Variants in DSCAM observed in about 807,000 individuals in gnomAD.
DSCAM encodes DS cell adhesion molecule, also known as cell adhesion molecule DSCAM.
Under a neutral mutation model 217.7 loss-of-function variants are expected in DSCAM, and 47 were observed. The ratio of observed to expected loss-of-function variants is 0.22; its 90% confidence interval spans 0.17 to 0.28. DSCAM has a LOEUF of 0.28. Among genes scored for constraint, DSCAM ranks in the 10% least tolerant of loss-of-function variants. DSCAM has a pLI of 1.00. For synonymous variants in DSCAM, 1,056 were observed against 1,015.3 expected (o/e 1.04, Z -0.76); for missense variants, 2,080 against 2,618.3 (o/e 0.79, Z 4.49).
At chr21:40,347,587 C>A in intron 6 of DSCAM, 83 bp downstream of exon 6, 4 of 1,574,192 alleles carry the variant, frequency 2.5e-6, no homozygotes, top group Non-Finnish European at 3.5e-6. Flanking sequence ...GCGATCAGCA[C>A]TGCTTCACCC....
intron 3 of DSCAM, among the ~76,000 whole-genome samples, chr21:40,498,842 G>A (rs1172950202): frequency 1.5e-5 from 2 of 135,492 alleles, no homozygotes; most frequent in African/African-American, 5.3e-5. Context: ...AGATATATGA[G>A]AGAAAAAATA....
chr21:40,157,620 T>C (rs769013540), intron 16 of DSCAM, among the ~76,000 whole-genome samples: 1 of 152,226 alleles, frequency 6.6e-6, no homozygotes, highest in Non-Finnish European at 1.5e-5. Flanking sequence ...CTGCCCTCTA[T>C]AGCTCAGTAG....
chr21:40,047,470 T>A (rs1002932708), intron 30 of DSCAM, among the ~76,000 whole-genome samples: 6 of 152,212 alleles, frequency 3.9e-5, no homozygotes, highest in Non-Finnish European at 8.8e-5. Flanking sequence ...GGGCACAGGA[T>A]ATAAATAGCT....
chr21:40,460,938 G>C (rs1408792146), intron 3 of DSCAM, among the ~76,000 whole-genome samples: 1 of 152,140 alleles, frequency 6.6e-6, no homozygotes, highest in African/African-American at 2.4e-5. Context: ...TGATTCAGAA[G>C]ACTCACTTCT....
intron 32 of DSCAM, among the ~76,000 whole-genome samples, chr21:40,025,713 T>C (rs1450421966): frequency 6.6e-6 from 1 of 151,132 alleles, no homozygotes; most frequent in Non-Finnish European, 1.5e-5. Flanking sequence ...GGATTGGTGG[T>C]GATGTCCCCT....
chr21:40,025,428 A>G (rs1297633444), intron 32 of DSCAM, among the ~76,000 whole-genome samples: 1 of 145,120 alleles, frequency 6.9e-6, no homozygotes, highest in Non-Finnish European at 1.5e-5. Context: ...ATTGATTGGA[A>G]TAGTTTCAGA....
chr21:40,288,468 G>T (rs949182335), intron 10 of DSCAM, among the ~76,000 whole-genome samples: 18 of 152,116 alleles, frequency 1.2e-4, no homozygotes, highest in African/African-American at 3.6e-4. Flanking sequence ...TGCAGAAAAA[G>T]CAAGGACATT....
At chr21:40,506,953 T>G (rs1399741867) in intron 3 of DSCAM, among the ~76,000 whole-genome samples, 1 of 152,164 alleles carries the variant, frequency 6.6e-6, no homozygotes, top group Non-Finnish European at 1.5e-5. Flanking sequence ...AGTTACACTT[T>G]GATTGGAAAA....
chr21:40,468,352 A>G (rs534460317), intron 3 of DSCAM, among the ~76,000 whole-genome samples: 22 of 152,284 alleles, frequency 1.4e-4, no homozygotes, highest in African/African-American at 4.3e-4. Flanking sequence ...GTAATAAGAA[A>G]CTAGTTAATT....
rs971265724 is a variant in DSCAM, at chr21:40,606,561, C to T, written c.508+86249G>A. ...GGTTGAATTTGGCCTCCAACCCAGG[C>T]CAGCCCCAAGTTTTACCAAACGGGT... On this transcript the variant is annotated intron_variant, in intron 3 of 32. Coordinates refer to ENST00000400454, the MANE Select transcript of DSCAM (RefSeq NM_001389.5). 2.0e-5 allele frequency among the ~76,000 whole-genome samples: 3 copies of T among 152,310 alleles called. No individual in the cohort carries two copies. The South Asian group carries it at 6.2e-4, about 32-fold the overall frequency.
intron 1 of DSCAM, among the ~76,000 whole-genome samples, chr21:40,722,108 C>A (rs1006228931): frequency 6.6e-6 from 1 of 151,984 alleles, no homozygotes; most frequent in African/African-American, 2.4e-5. Flanking sequence ...GACAAAATAA[C>A]TTTCTAGACA....
intron 21 of DSCAM, among the ~76,000 whole-genome samples, chr21:40,089,874 G>GA (rs34812909): frequency 0.18 from 27,630 of 151,694 alleles, 2,816 homozygotes; most frequent in East Asian, 0.25. Flanking sequence ...AACATTTCTG[G>GA]AAAAAAAATC....
At chr21:40,492,080 A>C (rs982467657) in intron 3 of DSCAM, among the ~76,000 whole-genome samples, 1 of 152,244 alleles carries the variant, frequency 6.6e-6, no homozygotes, top group African/African-American at 2.4e-5. Flanking sequence ...TGACCAGAGT[A>C]TAATAAGTAA....
At chr21:40,204,882 A>G (rs2837495) in intron 11 of DSCAM, among the ~76,000 whole-genome samples, 78,496 of 151,798 alleles carry the variant, frequency 0.52, 20,873 homozygotes, top group African/African-American at 0.65. Context: ...GCTTTGTGTT[A>G]TGGGCTTATG....
intron 1 of DSCAM, among the ~76,000 whole-genome samples, chr21:40,774,359 G>A (rs992720482): frequency 1.3e-5 from 2 of 152,230 alleles, no homozygotes; most frequent in Non-Finnish European, 2.9e-5. Context: ...GTGAAGCTCC[G>A]TGGGTTGTAC....
intron 1 of DSCAM, among the ~76,000 whole-genome samples, chr21:40,787,652 GC>G (rs1343761954): frequency 6.6e-6 from 1 of 151,992 alleles, no homozygotes; most frequent in Non-Finnish European, 1.5e-5. Flanking sequence ...GTAATACCAG[GC>G]CCTTCACTTT....
chr21:40,429,794 T>C (rs967309976), intron 3 of DSCAM, among the ~76,000 whole-genome samples: 4 of 152,256 alleles, frequency 2.6e-5, no homozygotes, highest in Non-Finnish European at 5.9e-5. Flanking sequence ...CCAGAATATG[T>C]TACTTATTTT....
chr21:40,660,198 G>C (rs937411429), intron 3 of DSCAM, among the ~76,000 whole-genome samples: 1 of 152,156 alleles, frequency 6.6e-6, no homozygotes. Flanking sequence ...TTTGGCCACA[G>C]ATATGCTTAA....
chr21:40,207,858 G>A (rs1601441734), intron 11 of DSCAM, among the ~76,000 whole-genome samples: 1 of 152,046 alleles, frequency 6.6e-6, no homozygotes, highest in Non-Finnish European at 1.5e-5. Context: ...TCTTCACCTG[G>A]GGTCCTCACA....
Sources: allele counts gnomAD v4.1 joint callset (sites outside exome capture counted in the v4.1 genomes callset), GRCh38; gene constraint gnomAD v4.1.1; transcripts MANE v1.5; gene names NCBI Gene and HGNC (gene_info 2026-07-23, HGNC 2026-07-21).